ARL13B: variants seen among roughly 807,000 people sequenced by gnomAD.
ARL13B encodes ADP-ribosylation factor-like protein 13B.
ARL13B carries 36 observed loss-of-function variants against 56.1 expected under a neutral mutation model. That is an observed-to-expected ratio of 0.64 (90% CI 0.49 to 0.85). ARL13B has a LOEUF of 0.85. Among genes scored for constraint, ARL13B ranks in the 40% least tolerant of loss-of-function variants. The pLI, the probability that ARL13B is intolerant of heterozygous loss-of-function variation, is 0.00. For synonymous variants in ARL13B, 178 were observed against 171.1 expected, an observed-to-expected ratio of 1.04 and a Z score of -0.32; for missense variants, 519 against 507.1, an observed-to-expected ratio of 1.02 and a Z score of -0.23.
intron 1 of ARL13B, among the ~76,000 whole-genome samples, chr3:93,981,607 T>A (rs1161731503): frequency 6.6e-6 from 1 of 151,732 alleles, no homozygotes; most frequent in East Asian, 1.9e-4. Flanking sequence ...ATGGGCTGGG[T>A]GTGGTGGCTC....
At chr3:94,009,074 A>AAGAAAGATAGAT (rs538656555) in intron 3 of ARL13B, among the ~76,000 whole-genome samples, 1 of 143,868 alleles carries the variant, frequency 7.0e-6, no homozygotes, top group African/African-American at 2.6e-5. Flanking sequence ...AGGAGCAGTA[A>AAGAAAGATAGAT]AGATAGATAG....
chr3:93,982,527 T>A (rs138808128), intron 1 of ARL13B, among the ~76,000 whole-genome samples: 1 of 152,232 alleles, frequency 6.6e-6, no homozygotes, highest in Non-Finnish European at 1.5e-5. Context: ...AAATGATAAC[T>A]TTTGCATATG....
Position 93,986,657 on chromosome 3 carries a change from A to C in ARL13B, c.59+6175A>C, listed in dbSNP as rs1263855002. ...CGAAATGTTTTCTTTGACTTGCATA[A>C]TATTTTTGAAGTTAGAAACAGCTTT... is the stretch of plus-strand genomic sequence containing the variant. On this transcript the variant is annotated intron_variant, in intron 1 of 9. Transcript: ENST00000394222. 2.0e-5 allele frequency among the ~76,000 whole-genome samples: 3 copies of C among 152,116 alleles called. No homozygotes were observed. The East Asian group carries it at 5.8e-4, about 29-fold the overall frequency.
rs114936013 is a variant in ARL13B, at chr3:93,980,190, G to C, written c.-234G>C. 5.8e-6 allele frequency: 4 copies of C among 686,540 alleles called. No individual in the cohort carries two copies. Among genetic ancestry groups the C allele is most frequent in the African/African-American group, 1.8e-5 (1 of 56,834 alleles). 42.5% of individuals were successfully genotyped at this position (686,540 alleles called of 1,614,324 possible). A position where few individuals can be genotyped will look rare whatever the true frequency, so the allele number is the denominator to read the frequency against. ...AGCCGGGTCCCGCTAACTCGGCTAC[G>C]GTGTATCTGCGTCTTTGGTCAGGTT... is the stretch of plus-strand genomic sequence containing the variant. On this transcript the variant is annotated 5_prime_UTR_variant, in exon 1 of 10. Transcript: ENST00000394222.
chr3:93,981,379 T>A (rs908078830), intron 1 of ARL13B, among the ~76,000 whole-genome samples: 10 of 152,072 alleles, frequency 6.6e-5, no homozygotes, highest in Non-Finnish European at 7.4e-5. Context: ...TTTTTTTTTT[T>A]AAATTGTTAA....
At chr3:94,019,202 A>AT (rs769209412) in intron 3 of ARL13B, among the ~76,000 whole-genome samples, 2 of 149,908 alleles carry the variant, frequency 1.3e-5, no homozygotes, top group East Asian at 2.0e-4. Flanking sequence ...ATTTTTGTTA[A>AT]TTTTTTATTT....
At chr3:93,990,672 T>A (rs1396014843) in intron 1 of ARL13B, among the ~76,000 whole-genome samples, 1 of 152,204 alleles carries the variant, frequency 6.6e-6, no homozygotes, top group African/African-American at 2.4e-5. Context: ...AGTAGAAGTA[T>A]ATCAAGTTCC....
At chr3:94,007,190 A>C (rs919213764) in intron 3 of ARL13B, among the ~76,000 whole-genome samples, 1 of 152,184 alleles carries the variant, frequency 6.6e-6, no homozygotes, top group Non-Finnish European at 1.5e-5. Context: ...AGAAAACAAG[A>C]CCTCTGAAAA....
Position 93,994,087 on chromosome 3 carries a change from A to G in ARL13B, c.60-1787A>G, listed in dbSNP as rs116339264. On this transcript the variant is annotated intron_variant, in intron 1 of 9. Transcript: ENST00000394222. ...AGATAACAGAGGAAATTAACATGGAATTCGTTTTACTCATAGTAGAAGTCA... is the reference window on the plus strand; with the variant it reads ...AGATAACAGAGGAAATTAACATGGAGTTCGTTTTACTCATAGTAGAAGTCA... 1.9e-3 allele frequency among the ~76,000 whole-genome samples: 288 copies of G among 152,350 alleles called. 3 individuals carry two copies. Among genetic ancestry groups the G allele is most frequent in the Non-Finnish European group, 3.4e-3 (228 of 68,034 alleles).
chr3:94,049,576 G>GA (rs879141969), intron 8 of ARL13B, 54 bp downstream of exon 8: 46,511 of 736,188 alleles, frequency 0.063, 3 homozygotes, highest in East Asian at 0.073. Context: ...AAACAACAGA[G>GA]AAAAAAAAAA....
At chr3:94,040,599 C>T (rs1461847141) in intron 6 of ARL13B, among the ~76,000 whole-genome samples, 1 of 151,392 alleles carries the variant, frequency 6.6e-6, no homozygotes, top group African/African-American at 2.4e-5. Context: ...TTTGCATTGG[C>T]TCTGCTTTTA....
chr3:93,994,933 G>A (rs1328870294), intron 1 of ARL13B, among the ~76,000 whole-genome samples: 1 of 152,052 alleles, frequency 6.6e-6, no homozygotes. Context: ...TACTAAAGAG[G>A]AATAACTATA....
chr3:94,029,107 T>C (rs2076615720), intron 3 of ARL13B, among the ~76,000 whole-genome samples: 1 of 151,220 alleles, frequency 6.6e-6, no homozygotes, highest in Non-Finnish European at 1.5e-5. Flanking sequence ...ACTAAAGTTA[T>C]CCAGCAATAT....
chr3:94,034,009 T>C (rs2076722798), intron 3 of ARL13B, among the ~76,000 whole-genome samples: 1 of 152,050 alleles, frequency 6.6e-6, no homozygotes, highest in African/African-American at 2.4e-5. Flanking sequence ...CAAAAAGAGT[T>C]AAGTGATAAG....
chr3:94,054,044 A>G lies in ARL13B; in HGVS notation c.*781A>G, dbSNP rs1198402513. 4.6e-6 allele frequency: 2 copies of G among 437,272 alleles called. No homozygotes were observed. The highest frequency in any genetic ancestry group is 2.0e-5 in the African/African-American group (1 of 49,258). The allele number at this position is 437,272 out of a possible 1,614,324, so 27.1% of individuals were successfully genotyped here. ...CTAAATGTTTTTTAAATTAATCAAAATACATTCTGTGAGATACTATTAAAA... is the reference window on the plus strand; with the variant it reads ...CTAAATGTTTTTTAAATTAATCAAAGTACATTCTGTGAGATACTATTAAAA... On this transcript the variant is annotated 3_prime_UTR_variant, in exon 10 of 10. Transcript: ENST00000394222.
At chr3:94,033,742 T>G (rs961276538) in intron 3 of ARL13B, among the ~76,000 whole-genome samples, 5 of 152,150 alleles carry the variant, frequency 3.3e-5, no homozygotes, top group South Asian at 2.1e-4. Context: ...AATAGGACAT[T>G]ATATAAAAGT....
intron 2 of ARL13B, among the ~76,000 whole-genome samples, chr3:94,002,405 G>C (rs527901977): frequency 1.1e-4 from 17 of 152,256 alleles, no homozygotes; most frequent in African/African-American, 3.6e-4. Flanking sequence ...TGTAACTGAT[G>C]CAACTGAGAA....
intron 3 of ARL13B, among the ~76,000 whole-genome samples, chr3:94,004,987 T>C (rs2076110102): frequency 6.6e-6 from 1 of 152,128 alleles, no homozygotes; most frequent in African/African-American, 2.4e-5. Flanking sequence ...TAAAAAATAT[T>C]AATGATGGTT....
In ARL13B at chr3:94,055,328, TAATAA is replaced by T; in HGVS notation, c.*2070_*2074del. 1 of 433,656 alleles carries T rather than the reference TAATAA, an allele frequency of 2.3e-6. No individual in the cohort carries two copies. Among genetic ancestry groups the T allele is most frequent in the South Asian group, 1.7e-5 (1 of 59,748 alleles). 26.9% of individuals were successfully genotyped at this position (433,656 alleles called of 1,614,324 possible). A position where few individuals can be genotyped will look rare whatever the true frequency, so the allele number is the denominator to read the frequency against. Reference sequence around the variant, plus strand: ...GTAGATTTAAATGATTTCCTTTGGGTAATAAAATAGGTAAAGATTTTAAAATATGA... The same window carrying T: ...GTAGATTTAAATGATTTCCTTTGGGTAATAGGTAAAGATTTTAAAATATGA... On this transcript the variant is annotated 3_prime_UTR_variant, in exon 10 of 10. Transcript: ENST00000394222.
Sources: allele counts gnomAD v4.1 joint callset (sites outside exome capture counted in the v4.1 genomes callset), GRCh38; gene constraint gnomAD v4.1.1; transcripts MANE v1.5; gene names NCBI Gene and HGNC (gene_info 2026-07-23, HGNC 2026-07-21).